CNBD2: variants seen among roughly 807,000 people sequenced by gnomAD.
CNBD2 encodes the protein cyclic nucleotide binding domain containing 2.
In CNBD2, 64 loss-of-function variants were observed where a neutral mutation model predicts 63.7. That is an observed-to-expected ratio of 1.00 (90% CI 0.82 to 1.24). The LOEUF (loss-of-function observed/expected upper bound fraction) is 1.24, where lower values mean the gene tolerates loss of function less well. CNBD2 is among the 50% of genes most tolerant of loss of function. The pLI, the probability that CNBD2 is intolerant of heterozygous loss-of-function variation, is 0.00. For synonymous variants in CNBD2, 229 were observed against 255.4 expected (o/e 0.90, Z 0.99); for missense variants, 691 against 713.5 (o/e 0.97, Z 0.36).
intron 8 of CNBD2, among the ~76,000 whole-genome samples, chr20:36,001,163 C>T (rs542636607): frequency 1.8e-4 from 27 of 152,134 alleles, no homozygotes; most frequent in South Asian, 8.3e-4. Flanking sequence ...GGCAACCATC[C>T]GATTTCTCAA....
intron 8 of CNBD2, among the ~76,000 whole-genome samples, chr20:36,006,124 G>T (rs2056981788): frequency 6.7e-6 from 1 of 150,150 alleles, no homozygotes; most frequent in African/African-American, 2.4e-5. Flanking sequence ...TGCCTCCCAG[G>T]TTCAAGCAAT....
chr20:35,996,521 T>G (rs1030019820), intron 8 of CNBD2, among the ~76,000 whole-genome samples: 3 of 151,394 alleles, frequency 2.0e-5, no homozygotes, highest in Non-Finnish European at 4.4e-5. Flanking sequence ...TTTTTTTTTT[T>G]TTTGGAGACA....
intron 1 of CNBD2, among the ~76,000 whole-genome samples, chr20:35,970,257 A>T (rs1181194976): frequency 6.6e-6 from 1 of 152,224 alleles, no homozygotes; most frequent in South Asian, 2.1e-4. Context: ...TTTGATTTGT[A>T]GGATTACAAA....
chr20:36,008,448 C>G lies in CNBD2; in HGVS notation c.1122C>G (p.Leu374=), dbSNP rs1198532537. Residue 374 remains leucine (L), a synonymous_variant, in exon 9 of 12, where the codon CTC becomes CTG. Transcript: ENST00000373973. The stretch of plus-strand genomic sequence containing the variant: ...AGATCAGAACCTCAGGAGACACTCT[C>G]CCCAAGATGCTGGGCCCGAAGATCC... ...SRKIRTSGDT[L]PKMLGPKIQS... The G allele has an allele frequency of 1.2e-6, 2 of 1,612,538 alleles. No individual in the cohort carries two copies. The highest frequency in any genetic ancestry group is 1.1e-5 in the South Asian group (1 of 90,826).
At chr20:35,980,657 G>T in intron 4 of CNBD2, 35 bp downstream of exon 4, 1 of 1,604,306 alleles carries the variant, frequency 6.2e-7, no homozygotes, top group Non-Finnish European at 8.5e-7. Context: ...CCACCAGGCT[G>T]AGGCTGGACT....
At chr20:35,967,487 A>G (rs972165932), upstream of CNBD2, among the ~76,000 whole-genome samples, 2 of 149,136 alleles carry the variant, frequency 1.3e-5, no homozygotes, top group African/African-American at 2.5e-5. Flanking sequence ...TGCTTCTGTT[A>G]ATTGGATGCT....
chr20:35,957,586 CAT>C (rs1328477294), downstream of CNBD2: 1 of 152,108 alleles, frequency 6.6e-6, no homozygotes, highest in Non-Finnish European at 1.5e-5. Flanking sequence ...TGAAAAAAAA[CAT>C]ATAATGCCTC....
intron 10 of CNBD2, among the ~76,000 whole-genome samples, chr20:36,020,114 G>A (rs561549043): frequency 6.6e-5 from 10 of 151,568 alleles, no homozygotes; most frequent in Non-Finnish European, 1.0e-4. Context: ...ACGGAGTCTC[G>A]CTGTGTCGCC....
At chr20:36,019,656 GGAGGGCAGGGTGGCTGGAA>G (rs1430884229) in intron 10 of CNBD2, among the ~76,000 whole-genome samples, 6 of 152,098 alleles carry the variant, frequency 3.9e-5, no homozygotes. Context: ...GGATTGGAAG[GGAGGGCAGGGTGGCTGGAA>G]CAGACTAAGC....
chr20:35,975,864 C>A, intron 2 of CNBD2, 85 bp from the exon 3 acceptor site: 2 of 1,248,334 alleles, frequency 1.6e-6, no homozygotes, highest in South Asian at 1.3e-5. Flanking sequence ...CCATGGTGGT[C>A]CAGGTAGACA....
At chr20:35,964,560 T>C (rs915177657), upstream of CNBD2, among the ~76,000 whole-genome samples, 3 of 150,010 alleles carry the variant, frequency 2.0e-5, no homozygotes, top group African/African-American at 7.4e-5. Context: ...CCGGCTATTT[T>C]TTTTTTTTGT....
chr20:35,966,426 A>T (rs2056345395), upstream of CNBD2, among the ~76,000 whole-genome samples: 1 of 152,138 alleles, frequency 6.6e-6, no homozygotes, highest in Non-Finnish European at 1.5e-5. Context: ...ACCCCACGGG[A>T]TAGGAATGGC....
chr20:35,988,133 G>T (rs1385640786), intron 7 of CNBD2, among the ~76,000 whole-genome samples: 1 of 151,954 alleles, frequency 6.6e-6, no homozygotes, highest in Admixed American at 6.6e-5. Flanking sequence ...GCCTCCCAAA[G>T]TGCTGGGATT....
At chr20:35,956,852 G>C (rs180926474), downstream of CNBD2, among the ~76,000 whole-genome samples, 4 of 152,302 alleles carry the variant, frequency 2.6e-5, no homozygotes, top group South Asian at 2.1e-4. Context: ...CCAGGTAGAA[G>C]GTACTGCCTG....
exon 1 of CNBD2, chr20:35,954,720 C>G: frequency 2.1e-6 from 2 of 945,794 alleles, no homozygotes; most frequent in South Asian, 1.7e-5. Flanking sequence ...ACTTCAAGTC[C>G]CGGACCTTAT....
At chr20:36,021,276 G>A (rs555228168) in intron 10 of CNBD2, among the ~76,000 whole-genome samples, 1 of 152,282 alleles carries the variant, frequency 6.6e-6, no homozygotes, top group Admixed American at 6.5e-5. Flanking sequence ...GGCACTGGAG[G>A]CTGTTATGTT....
chr20:35,961,414 C>CA (rs1296475886), intron 2 of CNBD2, among the ~76,000 whole-genome samples: 1 of 152,200 alleles, frequency 6.6e-6, no homozygotes, highest in Non-Finnish European at 1.5e-5. Context: ...CTGGCTGTCT[C>CA]AGTGTCTTTT....
intron 2 of CNBD2, among the ~76,000 whole-genome samples, chr20:35,962,207 C>T (rs1282559084): frequency 1.3e-5 from 2 of 151,954 alleles, no homozygotes; most frequent in Non-Finnish European, 2.9e-5. Context: ...AAGTTAATGC[C>T]TCCAGGAGCA....
At chr20:35,974,106 T>G (rs2056464561) in intron 2 of CNBD2, 1 of 153,404 alleles carries the variant, frequency 6.5e-6, no homozygotes, top group African/African-American at 2.4e-5. Context: ...ATATAACTAG[T>G]GTGTATGTAG....
Sources: gnomAD v4.1 joint callset for allele counts (sites outside exome capture counted in the v4.1 genomes callset) on GRCh38, gnomAD v4.1.1 for gene constraint, MANE v1.5 for transcripts, NCBI Gene and HGNC (gene_info 2026-07-23, HGNC 2026-07-21) for gene names.